The following KDM2B variants were observed in gnomAD, a reference collection of about 807,000 sequenced individuals.
The protein encoded by KDM2B is lysine-specific demethylase 2B.
A neutral mutation model predicts 150.0 loss-of-function variants in KDM2B; 26 were observed. The observed-to-expected ratio is 0.17, with a 90% CI of 0.13 to 0.24. The LOEUF (loss-of-function observed/expected upper bound fraction) is 0.24, where lower values mean the gene tolerates loss of function less well. Among genes scored for constraint, KDM2B ranks in the 10% least tolerant of loss-of-function variants. The probability of loss-of-function intolerance (pLI) is 1.00; values close to 1 mark genes in which losing one functional copy is unlikely to be tolerated. For missense variants in KDM2B, 1,265 were observed against 1,816.9 expected (o/e 0.70, Z 5.52); for synonymous variants, 734 against 729.5 (o/e 1.01, Z -0.10).
chr12:121,518,433 A>T lies in KDM2B; in HGVS notation c.1047+2552T>A, dbSNP rs1566368275. ...AACAACCTGCCGCTGCTCCCAGCCC[A>T]GTCTGCCCCCAAGCCCCCGCTGCCA... On this transcript the variant is annotated intron_variant, in intron 9 of 22. Coordinates refer to ENST00000377071, the MANE Select transcript of KDM2B (RefSeq NM_032590.5). This position sits in a 1 kb window ranked among gnomAD's most constrained non-coding sequence, Gnocchi z 4.4. Among the ~76,000 whole-genome samples, 1 of 152,196 alleles carries T rather than the reference A, an allele frequency of 6.6e-6. No individual in the cohort carries two copies. The highest frequency in any genetic ancestry group is 1.5e-5 in the Non-Finnish European group (1 of 68,028).
chr12:121,440,583 T>G (rs1874837518), intron 21 of KDM2B: 3 of 510,966 alleles, frequency 5.9e-6, no homozygotes, highest in African/African-American at 1.9e-5. Flanking sequence ...CATGAGCGAG[T>G]CAACAGGAAA....
At chr12:121,515,614 C>T (rs1479748053) in intron 9 of KDM2B, among the ~76,000 whole-genome samples, 1 of 149,108 alleles carries the variant, frequency 6.7e-6, no homozygotes, top group East Asian at 2.0e-4. Context: ...CAACTAGAAG[C>T]AGACCTCCGT....
At chr12:121,456,163 G>A (rs1412281723) in intron 12 of KDM2B, among the ~76,000 whole-genome samples, 1 of 152,236 alleles carries the variant, frequency 6.6e-6, no homozygotes, top group Non-Finnish European at 1.5e-5. Flanking sequence ...CTCCGGTGCT[G>A]TGCACTGAAC....
At position 121,521,072 on chromosome 12, in the gene KDM2B, T is replaced by C; in HGVS notation, c.960A>G (p.Val320=). The C allele has an allele frequency of 2.5e-6, 4 of 1,613,748 alleles. No homozygotes were observed. The highest frequency in any genetic ancestry group is 3.4e-6 in the Non-Finnish European group (4 of 1,179,896). ...SGWIHAVYTP[V]DSLVFGGNIL... Reference sequence around the variant, plus strand: ...TGTTTCCGCCGAACACCAAAGAGTCTACAGGGGTGTAGACGGCATGGATCC... The same window carrying C: ...TGTTTCCGCCGAACACCAAAGAGTCCACAGGGGTGTAGACGGCATGGATCC... Residue 320 remains valine (V), a synonymous_variant, in exon 9 of 23, where the codon GTA becomes GTG. Coordinates refer to ENST00000377071, the MANE Select transcript of KDM2B (RefSeq NM_032590.5). The surrounding 1 kb of genome is among the most constrained non-coding windows in gnomAD (Gnocchi z 4.9).
Position 121,442,240 on chromosome 12 carries a change from C to T in KDM2B, c.3201G>A (p.Arg1067=). The T allele has an allele frequency of 6.2e-7, 1 of 1,613,398 alleles. No individual in the cohort carries two copies. The highest frequency in any genetic ancestry group is 8.5e-7 in the Non-Finnish European group (1 of 1,179,940). The change falls in exon 19 of 23, where the codon AGG becomes AGA. Residue 1067 remains arginine, a synonymous_variant. Transcript: ENST00000377071. This position sits in a 1 kb window ranked among gnomAD's most constrained non-coding sequence, Gnocchi z 7.7. ...AGCTGAAGACGGCCATCCACACCTC[C>T]CTGTGCATGACGTGGGCTGCCCCAT... is the stretch of plus-strand genomic sequence containing the variant. ...LDDGAAHVMH[R]EVWMAVFSYL...
chr12:121,579,077 C>A lies in KDM2B; in HGVS notation c.127-131G>T. 5 of 1,027,072 alleles carry A rather than the reference C, an allele frequency of 4.9e-6. No individual in the cohort carries two copies. In the South Asian group the frequency reaches 7.9e-5, roughly 16 times the overall value. The allele number at this position is 1,027,072 out of a possible 1,614,324, so 63.6% of individuals were successfully genotyped here. ...CACCCCACCATTGCAACCCAAGCAA[C>A]TTTGCGCAATTGCCAAAGATGCTGA... On this transcript the variant is annotated intron_variant, in intron 1 of 22. Transcript: ENST00000377071.
rs140701470 is a variant in KDM2B at position 121,446,094 on chromosome 12, G to A, written c.1960-676C>T. Among the ~76,000 whole-genome samples the A allele has an allele frequency of 1.6e-3, 249 of 152,286 alleles. 1 individual carries two copies. The highest frequency in any genetic ancestry group is 3.0e-3 in the Non-Finnish European group (205 of 68,022). ...AGCCATGGGGTGACTCATGCCATAC[G>A]CTTATTAAAAAGATCACCAGGCCGG... On this transcript the variant is annotated intron_variant, in intron 13 of 22. Transcript: ENST00000377071.
chr12:121,573,809 G>A (rs1200044951), intron 4 of KDM2B, among the ~76,000 whole-genome samples: 2 of 150,580 alleles, frequency 1.3e-5, no homozygotes, highest in East Asian at 2.0e-4. Flanking sequence ...GGATGGTCTC[G>A]ATCTCCTGAC....
chr12:121,508,833 A>T (rs1555303358), intron 11 of KDM2B, among the ~76,000 whole-genome samples: 1 of 152,218 alleles, frequency 6.6e-6, no homozygotes, highest in African/African-American at 2.4e-5. Context: ...GGCCGTGTCA[A>T]GGACTGTGGG....
chr12:121,494,696 C>T, intron 11 of KDM2B, 31 bp from the exon 12 acceptor site: 1 of 1,564,784 alleles, frequency 6.4e-7, no homozygotes, highest in Non-Finnish European at 8.7e-7. Context: ...CATATTAGCC[C>T]AGGGGGAAGG....
intron 22 of KDM2B, among the ~76,000 whole-genome samples, chr12:121,438,338 G>T (rs1874358801): frequency 6.6e-6 from 1 of 151,938 alleles, no homozygotes. Flanking sequence ...AAAACAAAAT[G>T]CAAAAGATGA....
chr12:121,576,769 G>A (rs1891520480), intron 2 of KDM2B, among the ~76,000 whole-genome samples: 2 of 152,188 alleles, frequency 1.3e-5, no homozygotes, highest in Admixed American at 6.6e-5. Flanking sequence ...CAAATCCTCA[G>A]GTAACTAAAG....
chr12:121,449,560 A>G (rs1876874001), intron 13 of KDM2B, among the ~76,000 whole-genome samples: 1 of 152,178 alleles, frequency 6.6e-6, no homozygotes, highest in Non-Finnish European at 1.5e-5. Flanking sequence ...GGCACCCGAG[A>G]CAGGTTTCCT....
Position 121,446,051 on chromosome 12 carries a change from G to T in KDM2B, c.1960-633C>A, listed in dbSNP as rs371388776. 4.0e-4 allele frequency among the ~76,000 whole-genome samples: 61 copies of T among 152,256 alleles called. 1 individual carries two copies. The East Asian group carries it at 9.6e-3, about 24-fold the overall frequency. Reference sequence around the variant, plus strand: ...GGCCCCTCAGCACCAGGCAAGGCAAGGCCCCCAGCTCACCAGCAGCCATGG... The same window carrying T: ...GGCCCCTCAGCACCAGGCAAGGCAATGCCCCCAGCTCACCAGCAGCCATGG... On this transcript the variant is annotated intron_variant, in intron 13 of 22. Transcript: ENST00000377071.
chr12:121,510,161 A>C, intron 10 of KDM2B, 122 bp from the exon 11 acceptor site: 11 of 828,250 alleles, frequency 1.3e-5, no homozygotes, highest in Non-Finnish European at 1.9e-5. Context: ...AACAATCCTA[A>C]TGGTCAGTGC....
chr12:121,416,454 G>A, the KDM2B span: 3 of 976,528 alleles, frequency 3.1e-6, no homozygotes, highest in Non-Finnish European at 4.8e-6. Flanking sequence ...AATAGCTATT[G>A]AATTTTCATT....
At chr12:121,469,669 T>C (rs1555295578) in intron 12 of KDM2B, 1 of 151,404 alleles carries the variant, frequency 6.6e-6, no homozygotes. Context: ...TCTGACCTCT[T>C]GCTGGCCACT....
intron 12 of KDM2B, among the ~76,000 whole-genome samples, chr12:121,456,513 G>A (rs1010696425): frequency 7.2e-5 from 11 of 152,172 alleles, no homozygotes; most frequent in Non-Finnish European, 4.4e-5. Context: ...CAGCGTGTGG[G>A]CCACCTCCCA....
chr12:121,571,841 C>T lies in KDM2B; in HGVS notation c.397+2706G>A, dbSNP rs28727395. Among the ~76,000 whole-genome samples the T allele has an allele frequency of 4.6e-3, 694 of 151,746 alleles. 15 individuals carry two copies. The highest frequency in any genetic ancestry group is 0.031 in the East Asian group (159 of 5,142). On this transcript the variant is annotated intron_variant, in intron 4 of 22. Transcript: ENST00000377071. Reference sequence around the variant, plus strand: ...AATTTTTTGTATTTTTTAGTGGAGACGGAGTTTCACCATGTTGGCCAGGCT... The same window carrying T: ...AATTTTTTGTATTTTTTAGTGGAGATGGAGTTTCACCATGTTGGCCAGGCT...
Sources: allele counts gnomAD v4.1 joint callset (sites outside exome capture counted in the v4.1 genomes callset), GRCh38; gene constraint gnomAD v4.1.1; non-coding constraint Gnocchi (gnomAD v3.1); transcripts MANE v1.5; gene names NCBI Gene and HGNC (gene_info 2026-07-23, HGNC 2026-07-21).